The following WASL variants were observed in gnomAD, a reference collection of about 807,000 sequenced individuals.
WASL encodes the protein WASP like actin nucleation promoting factor.
WASL carries 20 observed loss-of-function variants against 55.5 expected under a neutral mutation model. That is an observed-to-expected ratio of 0.36 (90% CI 0.25 to 0.52). WASL has a LOEUF of 0.52. Ranked by LOEUF, WASL falls within the 20% of genes least tolerant of loss-of-function variation. WASL has a pLI of 0.92. For synonymous variants in WASL, 249 were observed against 217.6 expected (o/e 1.14, Z -1.27); for missense variants, 504 against 622.5 (o/e 0.81, Z 2.03).
At chr7:123,714,129 T>C (rs1313116423) in intron 1 of WASL, among the ~76,000 whole-genome samples, 1 of 152,180 alleles carries the variant, frequency 6.6e-6, no homozygotes, top group Non-Finnish European at 1.5e-5. Flanking sequence ...AACAATGTTC[T>C]AAATAATTAA....
rs562434664 is a variant in WASL, at chr7:123,726,343, A to G, written c.118-17120T>C. Among the ~76,000 whole-genome samples, 405 of 152,282 alleles carry G rather than the reference A, an allele frequency of 2.7e-3. 4 individuals are homozygous for G. Among genetic ancestry groups the G allele is most frequent in the African/African-American group, 9.4e-3 (389 of 41,560 alleles). On this transcript the variant is annotated intron_variant, in intron 1 of 10. Transcript: ENST00000223023. ...AAGAAAAAATTCATATGATCATCTCATATGACCTTTTTTGCACTTTATATA... is the reference window on the plus strand; with the variant it reads ...AAGAAAAAATTCATATGATCATCTCGTATGACCTTTTTTGCACTTTATATA...
At chr7:123,732,482 C>A (rs192703306) in intron 1 of WASL, among the ~76,000 whole-genome samples, 1 of 152,126 alleles carries the variant, frequency 6.6e-6, no homozygotes, top group Non-Finnish European at 1.5e-5. Flanking sequence ...CCTGGAAAGA[C>A]ACGATCTATC....
chr7:123,698,117 ATG>A (rs1451043365), intron 5 of WASL, among the ~76,000 whole-genome samples: 1 of 151,288 alleles, frequency 6.6e-6, no homozygotes, highest in East Asian at 1.9e-4. Flanking sequence ...TTTGTTTTAT[ATG>A]TGTTTTCACT....
chr7:123,720,430 G>C, intron 1 of WASL: 1 of 424,970 alleles, frequency 2.4e-6, no homozygotes, highest in South Asian at 1.7e-5. Context: ...AGATGTAAAA[G>C]TAAGGGTAGC....
intron 1 of WASL, among the ~76,000 whole-genome samples, chr7:123,739,684 G>A (rs562713928): frequency 6.6e-6 from 1 of 152,220 alleles, no homozygotes; most frequent in East Asian, 1.9e-4. Flanking sequence ...ATGCATTTTT[G>A]ACTACAACAT....
At chr7:123,706,854 G>A in intron 2 of WASL, 28 bp from the exon 3 acceptor site, 2 of 1,360,998 alleles carry the variant, frequency 1.5e-6, no homozygotes, top group Non-Finnish European at 2.0e-6. Context: ...ATTAAAATAA[G>A]AACTACCAAA....
At position 123,692,862 on chromosome 7, in the gene WASL, G is replaced by A; in HGVS notation, c.832C>T (p.Pro278Ser). ...CCTCCCCTTGATGGTGGTGGAGGTG[G>A]TGGTGCTGAAATGCAAACAGAAAAA... Reference protein sequence around the residue: ...VKNELRRQAPPPPPPSRGGPP... With the variant: ...VKNELRRQAPSPPPPSRGGPP... Residue 278 changes from proline to serine, a missense_variant, in exon 9 of 11, where the codon CCA becomes TCA. Transcript: ENST00000223023. 2 of 1,357,672 alleles carry A rather than the reference G, an allele frequency of 1.5e-6. No homozygotes were observed. Among genetic ancestry groups the A allele is most frequent in the Non-Finnish European group, 1.9e-6 (2 of 1,050,850 alleles). The allele number at this position is 1,357,672 out of a possible 1,614,324, so 84.1% of individuals were successfully genotyped here. A position where few individuals can be genotyped will look rare whatever the true frequency, so the allele number is the denominator to read the frequency against.
chr7:123,727,388 T>A (rs954751529), intron 1 of WASL, among the ~76,000 whole-genome samples: 10 of 97,544 alleles, frequency 1.0e-4, no homozygotes, highest in African/African-American at 4.3e-4. Flanking sequence ...CACACAAACT[T>A]ATACAAGAAC....
intron 1 of WASL, chr7:123,720,310 AG>A (rs1236915824): frequency 2.3e-6 from 1 of 442,844 alleles, no homozygotes; most frequent in Non-Finnish European, 4.5e-6. Context: ...AATAAAGCAC[AG>A]TTCAGCTATA....
rs1306689704 is a variant in WASL, at chr7:123,748,979, G to T, written c.-245C>A. On this transcript the variant is annotated 5_prime_UTR_variant, in exon 1 of 11. Coordinates refer to ENST00000223023, the MANE Select transcript of WASL (RefSeq NM_003941.4). ...CCGGCCAGGCTAGGGCCGGATGGTC[G>T]TTGTCCTCGCACTCCGGCGACTGCG... The T allele has an allele frequency of 1.5e-5, 8 of 521,366 alleles. No individual in the cohort carries two copies. The highest frequency in any genetic ancestry group is 2.7e-5 in the Non-Finnish European group (8 of 297,400). 32.3% of individuals were successfully genotyped at this position (521,366 alleles called of 1,614,324 possible). A position where few individuals can be genotyped will look rare whatever the true frequency, so the allele number is the denominator to read the frequency against.
chr7:123,692,353 T>C lies in WASL; in HGVS notation c.1341A>G (p.Leu447=), dbSNP rs1323786851. ...LLDQIRQGIQ[L]KSVADGQEST... is the part of the protein sequence containing the mutation. ...AAAAAAAAAGCTTACTTACAGATTT[T>C]AGTTGGATACCCTGTCGTATCTGGT... Residue 447 remains leucine (L), a synonymous_variant, in exon 9 of 11, where the codon CTA becomes CTG. Transcript: ENST00000223023. The C allele has an allele frequency of 1.2e-6, 2 of 1,605,432 alleles. No homozygotes were observed. The highest frequency in any genetic ancestry group is 1.7e-6 in the Non-Finnish European group (2 of 1,177,914).
intron 1 of WASL, among the ~76,000 whole-genome samples, chr7:123,727,194 T>G (rs1804060249): frequency 6.6e-6 from 1 of 152,104 alleles, no homozygotes; most frequent in Non-Finnish European, 1.5e-5. Context: ...ATACTGGAGA[T>G]GTGGAGCAAT....
At chr7:123,702,657 G>A (rs927999046) in intron 5 of WASL, among the ~76,000 whole-genome samples, 17 of 152,136 alleles carry the variant, frequency 1.1e-4, no homozygotes, top group Non-Finnish European at 1.9e-4. Flanking sequence ...TATTTACCCA[G>A]CATTACTTCT....
intron 1 of WASL, among the ~76,000 whole-genome samples, chr7:123,740,312 A>C (rs1204347573): frequency 1.3e-5 from 2 of 152,110 alleles, no homozygotes; most frequent in African/African-American, 2.4e-5. Flanking sequence ...GTCTCTTTAA[A>C]AAAAGGGTTA....
At chr7:123,703,221 G>GT (rs1360156708) in intron 5 of WASL, among the ~76,000 whole-genome samples, 1 of 152,110 alleles carries the variant, frequency 6.6e-6, no homozygotes, top group Non-Finnish European at 1.5e-5. Flanking sequence ...TAACATAGTG[G>GT]TTAAAGGGCC....
intron 1 of WASL, among the ~76,000 whole-genome samples, chr7:123,744,477 C>CA (rs1306580821): frequency 4.0e-5 from 6 of 151,600 alleles, no homozygotes; most frequent in African/African-American, 4.8e-5. Context: ...AGTGAGGAAA[C>CA]AAAAAACTAA....
chr7:123,698,476 T>C (rs1205213318), intron 5 of WASL, among the ~76,000 whole-genome samples: 1 of 152,024 alleles, frequency 6.6e-6, no homozygotes, highest in Non-Finnish European at 1.5e-5. Context: ...ATCAAAAAAG[T>C]AAATAATTTG....
rs187100563 is a variant in WASL at position 123,684,297 on chromosome 7, T to C, written c.*222A>G. ...TTCACAAATCAAGTGAGCATCCTGG[T>C]GTAAACTTGCACACAATAACAGGGA... On this transcript the variant is annotated 3_prime_UTR_variant, in exon 11 of 11. Transcript: ENST00000223023. 107 of 212,612 alleles carry C rather than the reference T, an allele frequency of 5.0e-4. No homozygotes were observed. The highest frequency in any genetic ancestry group is 7.3e-4 in the Non-Finnish European group (79 of 107,660). 13.2% of individuals were successfully genotyped at this position (212,612 alleles called of 1,614,324 possible).
intron 2 of WASL, among the ~76,000 whole-genome samples, chr7:123,707,626 A>G (rs1446673245): frequency 6.6e-6 from 1 of 152,334 alleles, no homozygotes; most frequent in African/African-American, 2.4e-5. Flanking sequence ...AAATATGTAA[A>G]ATACACTGTT....
Sources: gnomAD v4.1 joint callset for allele counts (sites outside exome capture counted in the v4.1 genomes callset) on GRCh38, gnomAD v4.1.1 for gene constraint, MANE v1.5 for transcripts, NCBI Gene and HGNC (gene_info 2026-07-23, HGNC 2026-07-21) for gene names.